Variants in ARL15 observed in about 807,000 individuals in gnomAD.
ARL15 encodes the protein ADP-ribosylation factor-like protein 15.
A neutral mutation model predicts 25.2 loss-of-function variants in ARL15; 19 were observed. That is an observed-to-expected ratio of 0.75 (90% CI 0.53 to 1.10). ARL15 has a LOEUF of 1.10. ARL15 is among the 50% of genes least tolerant of loss of function. The probability of loss-of-function intolerance (pLI) is 0.00; values close to 1 mark genes in which losing one functional copy is unlikely to be tolerated. For missense variants in ARL15, 220 were observed against 246.0 expected (o/e 0.89, Z 0.71); for synonymous variants, 94 against 86.8 (o/e 1.08, Z -0.46).
At chr5:53,916,293 T>TAAAAA (rs3055337) in intron 4 of ARL15, among the ~76,000 whole-genome samples, 5 of 141,946 alleles carry the variant, frequency 3.5e-5, no homozygotes, top group Admixed American at 1.4e-4. Context: ...AATGTAATAT[T>TAAAAA]AAAAAAAAAA....
At chr5:54,102,514 A>G (rs1403909517) in intron 4 of ARL15, among the ~76,000 whole-genome samples, 1 of 151,978 alleles carries the variant, frequency 6.6e-6, no homozygotes, top group African/African-American at 2.4e-5. Flanking sequence ...TATACATTGT[A>G]CCTCCATCTC....
rs181448186 is a variant in ARL15 at position 54,135,360 on chromosome 5, A to G, written c.253+19220T>C. 1.6e-3 allele frequency among the ~76,000 whole-genome samples: 251 copies of G among 152,322 alleles called. 2 individuals carry two copies. Among genetic ancestry groups the G allele is most frequent in the Admixed American group, 8.1e-3 (124 of 15,298 alleles). ...CATGCTTCTAGGCACATATTTTACA[A>G]GGGACCCCACAATTTAATACTTCTC... On this transcript the variant is annotated intron_variant, in intron 3 of 4. Transcript: ENST00000504924.
intron 3 of ARL15, among the ~76,000 whole-genome samples, chr5:54,146,043 G>T (rs1753900345): frequency 6.6e-6 from 1 of 151,970 alleles, no homozygotes; most frequent in Admixed American, 6.6e-5. Flanking sequence ...ACTCAGTCTT[G>T]TTACAGGACT....
At chr5:53,973,966 T>C (rs950660230) in intron 4 of ARL15, among the ~76,000 whole-genome samples, 1 of 152,014 alleles carries the variant, frequency 6.6e-6, no homozygotes, top group East Asian at 1.9e-4. Flanking sequence ...TAAGGCCCTG[T>C]CATTAAAAAA....
At chr5:54,244,606 T>A (rs1457979378) in intron 1 of ARL15, among the ~76,000 whole-genome samples, 1 of 152,208 alleles carries the variant, frequency 6.6e-6, no homozygotes, top group Non-Finnish European at 1.5e-5. Context: ...CATAACTTCC[T>A]GTTATAAATA....
At chr5:54,097,594 A>G (rs1333188327) in intron 4 of ARL15, among the ~76,000 whole-genome samples, 7 of 152,322 alleles carry the variant, frequency 4.6e-5, no homozygotes, top group Non-Finnish European at 2.9e-5. Flanking sequence ...ATTCTTTTGA[A>G]TATGAAGAAA....
intron 1 of ARL15, among the ~76,000 whole-genome samples, chr5:54,174,483 C>T (rs559281446): frequency 6.6e-6 from 1 of 152,154 alleles, no homozygotes; most frequent in South Asian, 2.1e-4. Flanking sequence ...GTAAACAATT[C>T]TATGACCCAT....
chr5:53,925,838 C>A (rs1337386498), intron 4 of ARL15, among the ~76,000 whole-genome samples: 1 of 151,852 alleles, frequency 6.6e-6, no homozygotes, highest in African/African-American at 2.4e-5. Context: ...ACAAAAAAAA[C>A]TTTGTTTTTA....
intron 4 of ARL15, among the ~76,000 whole-genome samples, chr5:54,006,051 CAAAAAA>C (rs56094450): frequency 1.7e-5 from 1 of 57,568 alleles, no homozygotes; most frequent in Admixed American, 2.0e-4. Context: ...ATTACATCTC[CAAAAAA>C]AAAAAAAAAA....
At chr5:54,303,155 A>G (rs542213925) in intron 1 of ARL15, among the ~76,000 whole-genome samples, 3 of 152,246 alleles carry the variant, frequency 2.0e-5, no homozygotes, top group Admixed American at 6.5e-5. Flanking sequence ...CTTATGGCCT[A>G]GTATCTATTG....
chr5:54,252,707 C>A (rs1168156262), intron 1 of ARL15, among the ~76,000 whole-genome samples: 1 of 152,066 alleles, frequency 6.6e-6, no homozygotes, highest in Non-Finnish European at 1.5e-5. Context: ...CCAGAGAACT[C>A]AAGAGAGAAC....
At chr5:54,181,581 C>A (rs541557230) in intron 1 of ARL15, among the ~76,000 whole-genome samples, 1 of 152,260 alleles carries the variant, frequency 6.6e-6, no homozygotes, top group Admixed American at 6.5e-5. Flanking sequence ...ACATTCCTTA[C>A]CAAGGGCATT....
intron 1 of ARL15, among the ~76,000 whole-genome samples, chr5:54,245,334 C>T (rs1167326450): frequency 6.6e-6 from 1 of 152,208 alleles, no homozygotes; most frequent in Non-Finnish European, 1.5e-5. Flanking sequence ...GGGCAGAAAT[C>T]AGACTTCAGT....
chr5:53,965,650 T>C, intron 4 of ARL15, among the ~76,000 whole-genome samples: 1 of 150,776 alleles, frequency 6.6e-6, no homozygotes, highest in Non-Finnish European at 1.5e-5. Context: ...GTGTGGGGGG[T>C]TTCTTGTATC....
At chr5:54,177,848 C>T (rs1355578548) in intron 1 of ARL15, among the ~76,000 whole-genome samples, 1 of 152,180 alleles carries the variant, frequency 6.6e-6, no homozygotes, top group Non-Finnish European at 1.5e-5. Context: ...AACTCCTGCT[C>T]AAAGTTCTGT....
chr5:53,977,239 C>T (rs1479046492), intron 4 of ARL15, among the ~76,000 whole-genome samples: 1 of 151,868 alleles, frequency 6.6e-6, no homozygotes, highest in Admixed American at 6.6e-5. Flanking sequence ...CGCCTGTAGT[C>T]CCAGCTACTC....
intron 1 of ARL15, among the ~76,000 whole-genome samples, chr5:54,303,610 A>AAAATCTATATGTGG (rs1758668610): frequency 1.8e-5 from 2 of 110,824 alleles, no homozygotes; most frequent in Admixed American, 8.6e-5. Flanking sequence ...GAGTAAGGAG[A>AAAATCTATATGTGG]TCGCACCACT....
At chr5:54,101,725 G>A (rs967551189) in intron 4 of ARL15, among the ~76,000 whole-genome samples, 1 of 152,062 alleles carries the variant, frequency 6.6e-6, no homozygotes, top group African/African-American at 2.4e-5. Context: ...ATGACCTCAT[G>A]CTTTGCCTTA....
intron 4 of ARL15, among the ~76,000 whole-genome samples, chr5:54,055,287 T>C (rs1252429442): frequency 3.3e-5 from 5 of 151,946 alleles, no homozygotes; most frequent in Admixed American, 2.0e-4. Context: ...AATGACTTTC[T>C]TCACTTAGCA....
Sources: allele counts gnomAD v4.1 joint callset (sites outside exome capture counted in the v4.1 genomes callset), GRCh38; gene constraint gnomAD v4.1.1; transcripts MANE v1.5; gene names NCBI Gene and HGNC (gene_info 2026-07-23, HGNC 2026-07-21).